The following TMEM178B variants were observed in gnomAD, a reference collection of about 807,000 sequenced individuals.
TMEM178B encodes the protein transmembrane protein 178B.
Under a neutral mutation model 31.0 loss-of-function variants are expected in TMEM178B, and 5 were observed. The ratio of observed to expected loss-of-function variants is 0.16; its 90% confidence interval spans 0.08 to 0.34. The LOEUF (loss-of-function observed/expected upper bound fraction) is 0.34. TMEM178B is among the 10% of genes least tolerant of loss of function. The probability of loss-of-function intolerance (pLI) is 1.00; values close to 1 mark genes in which losing one functional copy is unlikely to be tolerated. For synonymous variants in TMEM178B, 164 were observed against 164.0 expected, an observed-to-expected ratio of 1.00 and a Z score of 0.00; for missense variants, 275 against 400.3, an observed-to-expected ratio of 0.69 and a Z score of 2.67.
intron 1 of TMEM178B, among the ~76,000 whole-genome samples, chr7:141,122,150 C>G (rs1220520347): frequency 6.6e-6 from 1 of 152,048 alleles, no homozygotes; most frequent in Non-Finnish European, 1.5e-5. Context: ...ATAATATATT[C>G]AAGGTCTTCT....
rs1193743854 is a variant in TMEM178B, at chr7:141,262,912, C to T, written c.496+50208C>T. 1.3e-5 allele frequency among the ~76,000 whole-genome samples: 2 copies of T among 152,156 alleles called. 1 individual carries two copies. Among genetic ancestry groups the T allele is most frequent in the African/African-American group, 4.8e-5 (2 of 41,432 alleles). Reference sequence around the variant, plus strand: ...GTTCAGACCCAATATAGCATTCAGCCAGCATCAGCTCACTCTAGGCCTTTA... The same window carrying T: ...GTTCAGACCCAATATAGCATTCAGCTAGCATCAGCTCACTCTAGGCCTTTA... On this transcript the variant is annotated intron_variant, in intron 2 of 3. Coordinates refer to ENST00000565468, the MANE Select transcript of TMEM178B (RefSeq NM_001195278.2).
At chr7:141,499,393 C>T in the TMEM178B span, among the ~76,000 whole-genome samples, 1 of 139,270 alleles carries the variant, frequency 7.2e-6, no homozygotes, top group Non-Finnish European at 1.5e-5. Flanking sequence ...TTTGGGAGGC[C>T]AAGGTGGGAG....
intron 2 of TMEM178B, among the ~76,000 whole-genome samples, chr7:141,334,624 G>T (rs138638844): frequency 6.6e-6 from 1 of 152,286 alleles, no homozygotes; most frequent in African/African-American, 2.4e-5. Context: ...TCTATTGAAG[G>T]GGGTAGGTGA....
At chr7:141,501,149 C>G in the TMEM178B span, among the ~76,000 whole-genome samples, 1 of 151,842 alleles carries the variant, frequency 6.6e-6, no homozygotes, top group Non-Finnish European at 1.5e-5. Flanking sequence ...TTAGGAAGTT[C>G]ACTTTCATGG....
At chr7:141,241,494 G>A (rs1797618130) in intron 2 of TMEM178B, among the ~76,000 whole-genome samples, 1 of 150,358 alleles carries the variant, frequency 6.7e-6, no homozygotes, top group South Asian at 2.1e-4. Context: ...GGAGGCTGAG[G>A]CAGGAGAATC....
chr7:141,249,358 C>T (rs535628442), intron 2 of TMEM178B, among the ~76,000 whole-genome samples: 3 of 152,192 alleles, frequency 2.0e-5, no homozygotes, highest in Non-Finnish European at 4.4e-5. Context: ...TCCCCAGCCA[C>T]GTGGAACTGT....
intron 2 of TMEM178B, among the ~76,000 whole-genome samples, chr7:141,271,594 C>G (rs1798184337): frequency 6.6e-6 from 1 of 152,200 alleles, no homozygotes; most frequent in Admixed American, 6.5e-5. Flanking sequence ...AGCTTCATGA[C>G]CCATTTCCTC....
chr7:141,372,327 G>C (rs1053982422), intron 2 of TMEM178B, among the ~76,000 whole-genome samples: 4 of 151,996 alleles, frequency 2.6e-5, no homozygotes, highest in African/African-American at 9.7e-5. Flanking sequence ...GTCTCTGCTC[G>C]GGACACACAG....
chr7:141,291,127 C>T (rs541210419), intron 2 of TMEM178B, among the ~76,000 whole-genome samples: 3 of 152,110 alleles, frequency 2.0e-5, no homozygotes, highest in Non-Finnish European at 4.4e-5. Context: ...GCAGGATTCT[C>T]GATAGTGCTG....
intron 2 of TMEM178B, among the ~76,000 whole-genome samples, chr7:141,322,008 G>A (rs1457483388): frequency 6.6e-6 from 1 of 152,030 alleles, no homozygotes; most frequent in African/African-American, 2.4e-5. Context: ...GTTTTGTGCT[G>A]GGAAATGAGA....
intron 1 of TMEM178B, among the ~76,000 whole-genome samples, chr7:141,195,617 T>C: frequency 6.6e-6 from 1 of 152,234 alleles, no homozygotes; most frequent in Middle Eastern, 3.2e-3. Context: ...CCCTCCAAAC[T>C]GTTCCAGCCT....
intron 2 of TMEM178B, among the ~76,000 whole-genome samples, chr7:141,289,159 G>A (rs997445846): frequency 3.3e-5 from 5 of 152,098 alleles, no homozygotes; most frequent in African/African-American, 9.7e-5. Flanking sequence ...AGCTCTGGTC[G>A]CGGAACACAT....
chr7:141,393,998 G>T (rs932672409), intron 2 of TMEM178B, among the ~76,000 whole-genome samples: 1 of 151,684 alleles, frequency 6.6e-6, no homozygotes, highest in South Asian at 2.1e-4. Context: ...CAAAAGACTG[G>T]ACACATTCAA....
intron 2 of TMEM178B, among the ~76,000 whole-genome samples, chr7:141,312,192 A>G (rs1027319559): frequency 2.0e-5 from 3 of 152,178 alleles, no homozygotes; most frequent in African/African-American, 4.8e-5. Context: ...TGAATATCCA[A>G]CTACCTAATG....
intron 1 of TMEM178B, among the ~76,000 whole-genome samples, chr7:141,166,596 T>C (rs933706434): frequency 1.3e-5 from 2 of 152,174 alleles, no homozygotes; most frequent in Admixed American, 6.5e-5. Context: ...GGAAGAAACA[T>C]TCCTGGGGAT....
intron 1 of TMEM178B, among the ~76,000 whole-genome samples, chr7:141,091,937 A>G (rs1378717142): frequency 2.0e-5 from 3 of 152,214 alleles, no homozygotes; most frequent in Non-Finnish European, 4.4e-5. Flanking sequence ...CATGTTGGCC[A>G]GACTGGCCTC....
At chr7:141,375,050 T>C (rs1028959164) in intron 2 of TMEM178B, among the ~76,000 whole-genome samples, 2 of 152,248 alleles carry the variant, frequency 1.3e-5, no homozygotes, top group Admixed American at 6.5e-5. Context: ...TAATGTATCC[T>C]TGGATACTGA....
At chr7:141,328,093 A>C (rs1386838908) in intron 2 of TMEM178B, among the ~76,000 whole-genome samples, 1 of 152,210 alleles carries the variant, frequency 6.6e-6, no homozygotes, top group Non-Finnish European at 1.5e-5. Flanking sequence ...CAAGATCTTC[A>C]CTTGCATACT....
chr7:141,487,741 C>CAAAAA, the TMEM178B span, among the ~76,000 whole-genome samples: 2 of 30,270 alleles, frequency 6.6e-5, no homozygotes, highest in Non-Finnish European at 1.7e-4. Context: ...GACTCCGTCT[C>CAAAAA]AAAAAAAAAA....
Sources: gnomAD v4.1 joint callset for allele counts (sites outside exome capture counted in the v4.1 genomes callset) on GRCh38, gnomAD v4.1.1 for gene constraint, MANE v1.5 for transcripts, NCBI Gene and HGNC (gene_info 2026-07-23, HGNC 2026-07-21) for gene names.